The following MARCHF1 variants were observed in gnomAD, a reference collection of about 807,000 sequenced individuals.
The protein encoded by MARCHF1 is E3 ubiquitin-protein ligase MARCHF1.
MARCHF1 carries 40 observed loss-of-function variants against 54.2 expected under a neutral mutation model. That is an observed-to-expected ratio of 0.74 (90% CI 0.57 to 0.96). MARCHF1 has a LOEUF of 0.96. Ranked by LOEUF, MARCHF1 falls within the 40% of genes least tolerant of loss-of-function variation. The pLI is 0.00. For synonymous variants in MARCHF1, 236 were observed against 236.3 expected, an observed-to-expected ratio of 1.00 and a Z score of 0.01; for missense variants, 586 against 656.5, an observed-to-expected ratio of 0.89 and a Z score of 1.17.
intron 2 of MARCHF1, among the ~76,000 whole-genome samples, chr4:164,045,154 A>G (rs1754215098): frequency 6.6e-6 from 1 of 152,112 alleles, no homozygotes; most frequent in Non-Finnish European, 1.5e-5. Context: ...ATAAACAACA[A>G]TAAAAAAGGG....
chr4:163,590,018 A>G (rs1196103789), intron 7 of MARCHF1, among the ~76,000 whole-genome samples: 1 of 151,746 alleles, frequency 6.6e-6, no homozygotes, highest in Admixed American at 6.6e-5. Flanking sequence ...TGAATAGCAG[A>G]CCACATAACG....
chr4:164,312,621 G>A (rs897982970), intron 1 of MARCHF1, among the ~76,000 whole-genome samples: 13 of 151,844 alleles, frequency 8.6e-5, no homozygotes, highest in Admixed American at 7.2e-4. Context: ...GCACCCGGCC[G>A]AATTATTTTC....
At chr4:163,708,687 T>G (rs1745019150) in intron 4 of MARCHF1, among the ~76,000 whole-genome samples, 3 of 152,126 alleles carry the variant, frequency 2.0e-5, no homozygotes, top group African/African-American at 7.2e-5. Context: ...TGTATAGACA[T>G]GCAGTAGTCT....
At chr4:163,580,321 G>A (rs150106920) in intron 8 of MARCHF1, among the ~76,000 whole-genome samples, 2,868 of 151,896 alleles carry the variant, frequency 0.019, 78 homozygotes, top group African/African-American at 0.064. Flanking sequence ...CTCGTGATCC[G>A]CCCGCCTCGG....
At chr4:164,013,398 A>T (rs1201084799) in intron 2 of MARCHF1, among the ~76,000 whole-genome samples, 1 of 152,158 alleles carries the variant, frequency 6.6e-6, no homozygotes, top group Admixed American at 6.5e-5. Flanking sequence ...ATGCCTAAAA[A>T]AATCTAGAAA....
At chr4:163,663,647 G>T (rs993098516) in intron 5 of MARCHF1, among the ~76,000 whole-genome samples, 1 of 152,042 alleles carries the variant, frequency 6.6e-6, no homozygotes, top group Admixed American at 6.6e-5. Context: ...GTGAGCAATA[G>T]GTGGCAGGGC....
At chr4:164,160,380 G>A (rs1730199462) in intron 1 of MARCHF1, among the ~76,000 whole-genome samples, 1 of 152,080 alleles carries the variant, frequency 6.6e-6, no homozygotes, top group Non-Finnish European at 1.5e-5. Flanking sequence ...AATGGTCTCT[G>A]TGTATTTAAG....
At chr4:163,990,224 C>T (rs1377665952) in intron 2 of MARCHF1, among the ~76,000 whole-genome samples, 1 of 152,102 alleles carries the variant, frequency 6.6e-6, no homozygotes, top group Admixed American at 6.6e-5. Flanking sequence ...AATTAGCCAC[C>T]TGCCCATGGT....
At chr4:163,944,715 A>G (rs797006977) in intron 3 of MARCHF1, among the ~76,000 whole-genome samples, 12 of 152,320 alleles carry the variant, frequency 7.9e-5, no homozygotes, top group African/African-American at 2.9e-4. Context: ...ATAGAAATGT[A>G]ACATTCTAAA....
intron 4 of MARCHF1, among the ~76,000 whole-genome samples, chr4:163,825,516 C>T (rs1051450829): frequency 6.6e-6 from 1 of 151,994 alleles, no homozygotes; most frequent in African/African-American, 2.4e-5. Context: ...CAGAAATCGC[C>T]AAACTGCTTT....
At chr4:164,061,483 A>G (rs1169341195) in intron 2 of MARCHF1, among the ~76,000 whole-genome samples, 8 of 131,504 alleles carry the variant, frequency 6.1e-5, no homozygotes, top group African/African-American at 2.3e-4. Context: ...TACTGTAATG[A>G]GAACACATGG....
At chr4:163,763,626 C>G (rs10024440) in intron 4 of MARCHF1, among the ~76,000 whole-genome samples, 3,312 of 151,886 alleles carry the variant, frequency 0.022, 109 homozygotes, top group African/African-American at 0.075. Flanking sequence ...TAAGAAAACC[C>G]TAAACACTTA....
rs544389591 is a variant in MARCHF1 at position 163,992,061 on chromosome 4, C to CAAAAAA, written c.-247-3358_-247-3353dup. ...AGACCAGCTTGATCTTTGTCAGCTG[C>CAAAAAA]AAAAAAAAAAAAAAAAAAAAAAAAA... On this transcript the variant is annotated intron_variant, in intron 2 of 9. Transcript: ENST00000514618. Among the ~76,000 whole-genome samples the CAAAAAA allele has an allele frequency of 4.5e-4, 24 of 52,858 alleles. 1 individual carries two copies. Among genetic ancestry groups the CAAAAAA allele is most frequent in the African/African-American group, 1.4e-3 (22 of 15,312 alleles). 34.7% of individuals were successfully genotyped at this position (52,858 alleles called of 152,430 possible).
intron 2 of MARCHF1, among the ~76,000 whole-genome samples, chr4:163,993,763 A>G (rs1036218330): frequency 5.3e-5 from 8 of 151,982 alleles, no homozygotes; most frequent in Admixed American, 1.3e-4. Flanking sequence ...GAGAGACTAA[A>G]AAGAATCATT....
At chr4:163,937,774 G>A (rs1399622498) in intron 3 of MARCHF1, among the ~76,000 whole-genome samples, 2 of 152,100 alleles carry the variant, frequency 1.3e-5, no homozygotes, top group Non-Finnish European at 2.9e-5. Flanking sequence ...TTCACTAAAA[G>A]CATTATTGTG....
intron 3 of MARCHF1, among the ~76,000 whole-genome samples, chr4:163,865,584 G>A (rs1303917023): frequency 6.6e-6 from 1 of 151,678 alleles, no homozygotes; most frequent in Non-Finnish European, 1.5e-5. Context: ...TCTTTGAGTT[G>A]ATTTCAAGAA....
intron 5 of MARCHF1, among the ~76,000 whole-genome samples, chr4:163,691,994 GA>G (rs1357745095): frequency 6.6e-6 from 1 of 152,154 alleles, no homozygotes; most frequent in East Asian, 1.9e-4. Context: ...TTTTCCTCAA[GA>G]GAGGGTTAAC....
At chr4:164,286,163 A>AATTTTCT (rs1220172490) in intron 1 of MARCHF1, among the ~76,000 whole-genome samples, 2 of 152,218 alleles carry the variant, frequency 1.3e-5, no homozygotes, top group Non-Finnish European at 2.9e-5. Flanking sequence ...CTCAAAAGAT[A>AATTTTCT]AATGGAAATT....
intron 5 of MARCHF1, among the ~76,000 whole-genome samples, chr4:163,696,409 A>G (rs775989078): frequency 6.6e-6 from 1 of 152,152 alleles, no homozygotes; most frequent in Non-Finnish European, 1.5e-5. Context: ...TCATTAAGAA[A>G]AGTCTCAAGG....
Sources: allele counts gnomAD v4.1 joint callset (sites outside exome capture counted in the v4.1 genomes callset), GRCh38; gene constraint gnomAD v4.1.1; transcripts MANE v1.5; gene names NCBI Gene and HGNC (gene_info 2026-07-23, HGNC 2026-07-21).